R3HDM2: variants seen among roughly 807,000 people sequenced by gnomAD.
R3HDM2 encodes R3H domain-containing protein 2.
Under a neutral mutation model 124.5 loss-of-function variants are expected in R3HDM2, and 38 were observed. That is an observed-to-expected ratio of 0.31 (90% CI 0.24 to 0.40). The LOEUF (loss-of-function observed/expected upper bound fraction) is 0.40, where lower values mean the gene tolerates loss of function less well. R3HDM2 is among the 10% of genes least tolerant of loss of function. R3HDM2 has a pLI of 1.00. For missense variants in R3HDM2, 869 were observed against 1,236.9 expected (o/e 0.70, Z 4.46); for synonymous variants, 391 against 448.0 (o/e 0.87, Z 1.61).
intron 1 of R3HDM2, among the ~76,000 whole-genome samples, chr12:57,413,867 G>A (rs1195212193): frequency 9.1e-6 from 1 of 109,820 alleles, no homozygotes; most frequent in Non-Finnish European, 1.8e-5. Context: ...TTTTTTTTGA[G>A]ATGGAGTCTC....
chr12:57,274,615 G>T (rs867629048), intron 14 of R3HDM2, among the ~76,000 whole-genome samples: 6 of 152,226 alleles, frequency 3.9e-5, no homozygotes, highest in South Asian at 2.1e-4. Context: ...TACGGGCAGG[G>T]ATAGCAGTGC....
chr12:57,418,081 A>AAC, intron 1 of R3HDM2: 2 of 831,772 alleles, frequency 2.4e-6, no homozygotes, highest in Non-Finnish European at 2.9e-6. Context: ...ACTAGCTGCT[A>AAC]GACATTTCCA....
At chr12:57,358,135 C>T (rs1436974009) in intron 2 of R3HDM2, among the ~76,000 whole-genome samples, 4 of 102,042 alleles carry the variant, frequency 3.9e-5, no homozygotes, top group Admixed American at 1.2e-4. Context: ...CGTGACGCTA[C>T]GCCCAGCTAA....
intron 3 of R3HDM2, among the ~76,000 whole-genome samples, chr12:57,308,325 G>A (rs997287537): frequency 1.3e-5 from 2 of 151,640 alleles, no homozygotes; most frequent in East Asian, 2.0e-4. Context: ...CAAAGTGCTG[G>A]GATTATAGGC....
intron 1 of R3HDM2, among the ~76,000 whole-genome samples, chr12:57,425,994 G>A (rs763741790): frequency 7.9e-5 from 12 of 152,172 alleles, no homozygotes; most frequent in Non-Finnish European, 1.8e-4. Flanking sequence ...TCGGGAGGCC[G>A]AGGCGGGCAG....
intron 1 of R3HDM2, among the ~76,000 whole-genome samples, chr12:57,421,956 TG>T (rs1368111396): frequency 6.6e-6 from 1 of 151,722 alleles, no homozygotes; most frequent in Non-Finnish European, 1.5e-5. Flanking sequence ...ATTAGCCGGG[TG>T]TGGTGGCGTG....
intron 1 of R3HDM2, among the ~76,000 whole-genome samples, chr12:57,407,980 A>G (rs1252899779): frequency 6.6e-6 from 1 of 151,912 alleles, no homozygotes; most frequent in East Asian, 1.9e-4. Flanking sequence ...CCCAGGCTGG[A>G]GTGCAGTGGC....
chr12:57,413,188 C>T (rs770188446), intron 1 of R3HDM2, among the ~76,000 whole-genome samples: 109 of 151,958 alleles, frequency 7.2e-4, no homozygotes, highest in Non-Finnish European at 1.9e-4. Flanking sequence ...AAACTTATGT[C>T]ACCACCAAAT....
intron 2 of R3HDM2, among the ~76,000 whole-genome samples, chr12:57,323,140 C>G (rs1381086042): frequency 6.6e-6 from 1 of 152,146 alleles, no homozygotes; most frequent in Non-Finnish European, 1.5e-5. Flanking sequence ...AGGCAAGGAG[C>G]TAGAATTCAA....
chr12:57,256,245 T>G, intron 22 of R3HDM2, 169 bp downstream of exon 22: 1 of 865,076 alleles, frequency 1.2e-6, no homozygotes, highest in East Asian at 2.6e-5. Flanking sequence ...CCCTCCCTCT[T>G]GGCATGGGGG....
At chr12:57,280,258 C>T (rs1592672603) in intron 14 of R3HDM2, 100 bp downstream of exon 14, 1 of 1,262,548 alleles carries the variant, frequency 7.9e-7, no homozygotes, top group East Asian at 2.7e-5. Context: ...TCTCCAAAAA[C>T]TGATCCTTCC....
intron 2 of R3HDM2, among the ~76,000 whole-genome samples, chr12:57,349,379 C>CAAAAAA (rs1161831845): frequency 0.023 from 1,321 of 57,708 alleles, no homozygotes; most frequent in Non-Finnish European, 0.028. Flanking sequence ...ACTCCGTCTC[C>CAAAAAA]AAAAAAAAAA....
intron 14 of R3HDM2, among the ~76,000 whole-genome samples, chr12:57,277,102 A>C (rs539622665): frequency 1.2e-4 from 18 of 147,018 alleles, no homozygotes; most frequent in African/African-American, 2.3e-4. Context: ...TAATGAACAA[A>C]AAAAAAAAAA....
At position 57,270,070 on chromosome 12, in the gene R3HDM2, A is replaced by T. The variant is rs1454356211; in HGVS notation, c.1345-76T>A. 1.2e-5 allele frequency: 18 copies of T among 1,536,900 alleles called. 1 individual carries two copies. The Admixed American group carries it at 3.1e-4, about 27-fold the overall frequency. On this transcript the variant is annotated intron_variant, in intron 14 of 23. Transcript: ENST00000402412. ...CTTTGGCTTCAACATAGACAGAGAG[A>T]AATAGCAATGCTTTTTACAACCTTC...
At chr12:57,255,705 G>A (rs115946464) in intron 23 of R3HDM2, among the ~76,000 whole-genome samples, 1,793 of 152,234 alleles carry the variant, frequency 0.012, 33 homozygotes, top group African/African-American at 0.04. Context: ...GGTAGATGTC[G>A]TAGATTAGGG....
At chr12:57,353,251 T>C (rs2060874332) in intron 2 of R3HDM2, among the ~76,000 whole-genome samples, 1 of 152,124 alleles carries the variant, frequency 6.6e-6, no homozygotes, top group Non-Finnish European at 1.5e-5. Flanking sequence ...AACTGGTACT[T>C]AGTATATACA....
At chr12:57,365,213 G>A (rs1036991866) in intron 2 of R3HDM2, among the ~76,000 whole-genome samples, 4 of 150,658 alleles carry the variant, frequency 2.7e-5, no homozygotes, top group African/African-American at 7.4e-5. Context: ...GCAGTGAGCC[G>A]AGATCATGCC....
In R3HDM2 at chr12:57,360,028, C is replaced by CATAT. The variant is rs1279892811; in HGVS notation, c.-36+35717_-36+35720dup. Among the ~76,000 whole-genome samples the CATAT allele has an allele frequency of 3.5e-4, 33 of 94,120 alleles. 1 individual carries two copies. The highest frequency in any genetic ancestry group is 1.2e-3 in the Admixed American group (9 of 7,640). 61.7% of individuals were successfully genotyped at this position (94,120 alleles called of 152,430 possible). On this transcript the variant is annotated intron_variant, in intron 2 of 23. Transcript: ENST00000402412. The stretch of plus-strand genomic sequence containing the variant: ...ATAAATATATATATATATATACACA[C>CATAT]ATATATATATATATATATATTTTTT...
At chr12:57,354,536 C>A (rs534521187) in intron 2 of R3HDM2, among the ~76,000 whole-genome samples, 5 of 150,908 alleles carry the variant, frequency 3.3e-5, no homozygotes, top group African/African-American at 9.7e-5. Context: ...TCAAGTGATT[C>A]GCCTGCCTCA....
Sources: allele counts gnomAD v4.1 joint callset (sites outside exome capture counted in the v4.1 genomes callset), GRCh38; gene constraint gnomAD v4.1.1; transcripts MANE v1.5; gene names NCBI Gene and HGNC (gene_info 2026-07-23, HGNC 2026-07-21).